Variants in PICK1 observed in about 807,000 individuals in gnomAD.
PICK1 encodes protein interacting with PRKCA 1, also known as PRKCA-binding protein.
In PICK1, 23 loss-of-function variants were observed where a neutral mutation model predicts 48.9. The observed-to-expected ratio is 0.47, with a 90% confidence interval of 0.34 to 0.67. The LOEUF (loss-of-function observed/expected upper bound fraction) is 0.67, where lower values mean the gene tolerates loss of function less well. Among genes scored for constraint, PICK1 ranks in the 30% least tolerant of loss-of-function variants. The probability of loss-of-function intolerance (pLI) is 0.01; values close to 1 mark genes in which losing one functional copy is unlikely to be tolerated. For missense variants in PICK1, 423 were observed against 557.1 expected (o/e 0.76, Z 2.42); for synonymous variants, 217 against 228.2 (o/e 0.95, Z 0.44).
At chr22:38,064,664 G>A (rs1031072041) in intron 3 of PICK1, among the ~76,000 whole-genome samples, 1 of 152,192 alleles carries the variant, frequency 6.6e-6, no homozygotes, top group Non-Finnish European at 1.5e-5. Flanking sequence ...GGGAGGCTGA[G>A]GCAGGAGAAT....
At position 38,074,500 on chromosome 22, in the gene PICK1, A is replaced by G. The variant is rs1285410728; in HGVS notation, c.979+49A>G. The G allele has an allele frequency of 6.8e-6, 11 of 1,607,766 alleles. No homozygotes were observed. Among genetic ancestry groups the G allele is most frequent in the Non-Finnish European group, 9.3e-6 (11 of 1,177,502 alleles). On this transcript the variant is annotated intron_variant, in intron 12 of 12. Coordinates refer to ENST00000356976, the MANE Select transcript of PICK1 (RefSeq NM_012407.4). The surrounding 1 kb of genome is among the most constrained non-coding windows in gnomAD (Gnocchi z 4.5). ...CCGCTCTCCATTTCAGAGGTGGGAA[A>G]ACTGAGGCCCAGAGGGGTACTCTCA... is the stretch of plus-strand genomic sequence containing the variant.
Position 38,059,306 on chromosome 22 carries a change from AG to A in PICK1, c.116del (p.Gly39GlufsTer51). 6.4e-7 allele frequency: 1 copy of A among 1,572,388 alleles called. No homozygotes were observed. Among genetic ancestry groups the A allele is most frequent in the Non-Finnish European group, 8.6e-7 (1 of 1,158,328 alleles). On this transcript the variant is annotated frameshift_variant, in exon 3 of 13. Coordinates refer to ENST00000356976, the MANE Select transcript of PICK1 (RefSeq NM_012407.4). LOFTEE classifies it high-confidence loss of function. ...AQNLIGISIG[G>X]GAQYCPCLYI... ...AGAACCTGATCGGGATCAGCATTGG[AG>A]GAGGGGCCCAGTACTGTCCCTGCCT...
chr22:38,061,502 C>G (rs957108252), intron 3 of PICK1, among the ~76,000 whole-genome samples: 3 of 152,114 alleles, frequency 2.0e-5, no homozygotes, highest in Non-Finnish European at 4.4e-5. Flanking sequence ...CCTCACCCGG[C>G]TTTCTCTGTC....
chr22:38,074,490 G>A lies in PICK1; in HGVS notation c.979+39G>A. ...TCCTCCCCGTCCGCTCTCCATTTCA[G>A]AGGTGGGAAAACTGAGGCCCAGAGG... On this transcript the variant is annotated intron_variant, in intron 12 of 12. Transcript: ENST00000356976. This position sits in a 1 kb window ranked among gnomAD's most constrained non-coding sequence, Gnocchi z 4.5. 6.2e-7 allele frequency: 1 copy of A among 1,610,858 alleles called. No homozygotes were observed. Among genetic ancestry groups the A allele is most frequent in the Non-Finnish European group, 8.5e-7 (1 of 1,178,996 alleles).
chr22:38,067,477 T>C (rs2085557605), intron 4 of PICK1: 19 of 484,368 alleles, frequency 3.9e-5, no homozygotes, highest in South Asian at 3.6e-4. Flanking sequence ...CCCAGCTAAT[T>C]TTTGTATTTT....
At chr22:38,063,992 A>G (rs1205682317) in intron 3 of PICK1, among the ~76,000 whole-genome samples, 1 of 151,922 alleles carries the variant, frequency 6.6e-6, no homozygotes, top group Middle Eastern at 3.2e-3. Flanking sequence ...TGGACTAGGC[A>G]TTTTTCTGAG....
In PICK1 at chr22:38,057,867, C is replaced by T; in HGVS notation, c.41+17C>T. 6.2e-7 allele frequency: 1 copy of T among 1,606,500 alleles called. No individual in the cohort carries two copies. On this transcript the variant is annotated intron_variant, in intron 2 of 12. Coordinates refer to ENST00000356976, the MANE Select transcript of PICK1 (RefSeq NM_012407.4). Reference sequence around the variant, plus strand: ...GGATAAACTGTGAGTATTTTATTCCCCCAAGTTCCAGCAGTATAGGAGCCC... The same window carrying T: ...GGATAAACTGTGAGTATTTTATTCCTCCAAGTTCCAGCAGTATAGGAGCCC...
chr22:38,075,161 G>T lies in PICK1; in HGVS notation c.*29G>T, dbSNP rs1438919378. ...CCCCGCGGCTGTGGTGCCGGGGGCA[G>T]GGTGCGTGGGAGGACGGAGCCTGGG... On this transcript the variant is annotated 3_prime_UTR_variant, in exon 13 of 13. Transcript: ENST00000356976. The T allele has an allele frequency of 1.3e-6, 2 of 1,594,374 alleles. No homozygotes were observed. Among genetic ancestry groups the T allele is most frequent in the Non-Finnish European group, 1.7e-6 (2 of 1,169,678 alleles).
rs150951713 is a variant in PICK1, at chr22:38,058,371, A to G, written c.41+521A>G. On this transcript the variant is annotated intron_variant, in intron 2 of 12. Coordinates refer to ENST00000356976, the MANE Select transcript of PICK1 (RefSeq NM_012407.4). ...AATGAATAAGTGAATCAGCGTGAGT[A>G]CTTATCATAAAACACCAGTCAATGC... 4.6e-5 allele frequency among the ~76,000 whole-genome samples: 7 copies of G among 152,286 alleles called. No individual in the cohort carries two copies. In the East Asian group the frequency reaches 9.6e-4, roughly 21 times the overall value.
Position 38,074,192 on chromosome 22 carries a change from A to G in PICK1, c.835-115A>G. On this transcript the variant is annotated intron_variant, in intron 11 of 12. Coordinates refer to ENST00000356976, the MANE Select transcript of PICK1 (RefSeq NM_012407.4). The surrounding 1 kb of genome is among the most constrained non-coding windows in gnomAD (Gnocchi z 4.5). ...AAGCTATCACTGAGTGCTTCTGAGA[A>G]ACACTGAAGTCTCAGAAATGAGGTC... 7.8e-7 allele frequency: 1 copy of G among 1,283,066 alleles called. No individual in the cohort carries two copies. The highest frequency in any genetic ancestry group is 2.4e-5 in the East Asian group (1 of 42,150). The allele number at this position is 1,283,066 out of a possible 1,614,324, so 79.5% of individuals were successfully genotyped here.
At position 38,074,154 on chromosome 22, in the gene PICK1, T is replaced by A; in HGVS notation, c.835-153T>A. 1.1e-6 allele frequency: 1 copy of A among 925,340 alleles called. No homozygotes were observed. The allele number at this position is 925,340 out of a possible 1,614,324, so 57.3% of individuals were successfully genotyped here. The stretch of plus-strand genomic sequence containing the variant: ...TGTGGCAGAGGTTTGGGTTTGGTTT[T>A]TTCCTCTCTTCAAAGCTATCACTGA... On this transcript the variant is annotated intron_variant, in intron 11 of 12. Transcript: ENST00000356976. This position sits in a 1 kb window ranked among gnomAD's most constrained non-coding sequence, Gnocchi z 4.5.
rs1361447761 is a variant in PICK1 at position 38,072,981 on chromosome 22, T to C, written c.691-19T>C. On this transcript the variant is annotated intron_variant, in intron 9 of 12. Transcript: ENST00000356976. ...CACCCCTGCCGTGACAGCCTCAGCA[T>C]CCACCCACCCTCTTCCAGATGCTGA... 3 of 1,573,410 alleles carry C rather than the reference T, an allele frequency of 1.9e-6. No homozygotes were observed. Among genetic ancestry groups the C allele is most frequent in the Middle Eastern group, 1.7e-4 (1 of 6,000 alleles).
In PICK1 at chr22:38,057,740, C is replaced by T. The variant is rs1366211545; in HGVS notation, c.-57-13C>T. ...TTCCTTAAATCCTATGCTCCTTTCT[C>T]TCCCGGATCCAGTTCCCCATTCCCC... On this transcript the variant is annotated splice_polypyrimidine_tract_variant and intron_variant, in intron 1 of 12. Transcript: ENST00000356976. The T allele has an allele frequency of 3.6e-6, 5 of 1,408,164 alleles. No homozygotes were observed. Among genetic ancestry groups the T allele is most frequent in the East Asian group, 4.5e-5 (2 of 43,960 alleles). The allele number at this position is 1,408,164 out of a possible 1,614,324, so 87.2% of individuals were successfully genotyped here.
chr22:38,068,039 G>A (rs951599596), intron 5 of PICK1: 21 of 584,768 alleles, frequency 3.6e-5, no homozygotes, highest in Admixed American at 6.6e-5. Flanking sequence ...CATCTCCTCT[G>A]GGGACTTGCT....
In PICK1 at chr22:38,073,930, C is replaced by G; in HGVS notation, c.834+107C>G. On this transcript the variant is annotated intron_variant, in intron 11 of 12. Transcript: ENST00000356976. This position sits in a 1 kb window ranked among gnomAD's most constrained non-coding sequence, Gnocchi z 5.7. Reference sequence around the variant, plus strand: ...GAGAGACCGGGGGGACTTGGCTGGACTCTCGTTCCTGGAGATTTAGGGCCA... The same window carrying G: ...GAGAGACCGGGGGGACTTGGCTGGAGTCTCGTTCCTGGAGATTTAGGGCCA... 3 of 1,142,652 alleles carry G rather than the reference C, an allele frequency of 2.6e-6. No homozygotes were observed. The highest frequency in any genetic ancestry group is 4.8e-5 in the East Asian group (2 of 42,000). The allele number at this position is 1,142,652 out of a possible 1,614,324, so 70.8% of individuals were successfully genotyped here. A position where few individuals can be genotyped will look rare whatever the true frequency, so the allele number is the denominator to read the frequency against.
At position 38,074,567 on chromosome 22, in the gene PICK1, C is replaced by T. The variant is rs938327977; in HGVS notation, c.979+116C>T. 7.1e-7 allele frequency: 1 copy of T among 1,405,966 alleles called. No individual in the cohort carries two copies. The highest frequency in any genetic ancestry group is 9.9e-7 in the Non-Finnish European group (1 of 1,015,028). 87.1% of individuals were successfully genotyped at this position (1,405,966 alleles called of 1,614,324 possible). ...CAGATGTAAAGCCCCTCCAGGAGCCCAGCCATCTGCCCAGAGCCTGGCCTG... is the reference window on the plus strand; with the variant it reads ...CAGATGTAAAGCCCCTCCAGGAGCCTAGCCATCTGCCCAGAGCCTGGCCTG... On this transcript the variant is annotated intron_variant, in intron 12 of 12. Coordinates refer to ENST00000356976, the MANE Select transcript of PICK1 (RefSeq NM_012407.4). This position sits in a 1 kb window ranked among gnomAD's most constrained non-coding sequence, Gnocchi z 4.5.
chr22:38,075,645 C>G lies in PICK1; in HGVS notation c.*513C>G, dbSNP rs2085825703. On this transcript the variant is annotated 3_prime_UTR_variant, in exon 13 of 13. Transcript: ENST00000356976. ...CTGTTCCCCCAGCTCGGCCACTTCT[C>G]TGAAGGAGGGCTGGGTTCTGGGCCT... The G allele has an allele frequency of 1.3e-5, 2 of 157,658 alleles. No individual in the cohort carries two copies. The highest frequency in any genetic ancestry group is 1.2e-4 in the Admixed American group (2 of 16,518). The allele number at this position is 157,658 out of a possible 1,614,324, so 9.8% of individuals were successfully genotyped here.
At position 38,074,321 on chromosome 22, in the gene PICK1, C is replaced by T. The variant is rs766815757; in HGVS notation, c.849C>T (p.Pro283=). The T allele has an allele frequency of 1.2e-6, 2 of 1,612,782 alleles. No homozygotes were observed. Among genetic ancestry groups the T allele is most frequent in the Admixed American group, 1.7e-5 (1 of 60,010 alleles). ...CCCCGCCCCAGGCCCTAGGCGAGCC[C>T]CTTTACCGGGTGAGCACCGGCAACT... ...EEYSCIALGE[P]LYRVSTGNYE... The change falls in exon 12 of 13, where the codon CCC becomes CCT. Residue 283 remains proline (P), a synonymous_variant. Transcript: ENST00000356976. This position sits in a 1 kb window ranked among gnomAD's most constrained non-coding sequence, Gnocchi z 4.5.
chr22:38,072,018 G>A (rs912134693), intron 8 of PICK1: 8 of 535,766 alleles, frequency 1.5e-5, no homozygotes, highest in African/African-American at 1.1e-4. Flanking sequence ...CTGACAACCT[G>A]TAACTCTGGG....
Sources: gnomAD v4.1 joint callset for allele counts (sites outside exome capture counted in the v4.1 genomes callset) on GRCh38, gnomAD v4.1.1 for gene constraint, Gnocchi (gnomAD v3.1) non-coding constraint, MANE v1.5 for transcripts, NCBI Gene and HGNC (gene_info 2026-07-23, HGNC 2026-07-21) for gene names.